PTPN13: variants seen among roughly 807,000 people sequenced by gnomAD.
The protein encoded by PTPN13 is protein tyrosine phosphatase non-receptor type 13, also known as tyrosine-protein phosphatase non-receptor type 13.
In PTPN13, 191 loss-of-function variants were observed where a neutral mutation model predicts 284.0. The observed-to-expected ratio is 0.67, with a 90% confidence interval of 0.60 to 0.76. The LOEUF (loss-of-function observed/expected upper bound fraction) is 0.76. PTPN13 is among the 30% of genes least tolerant of loss of function. PTPN13 has a pLI of 0.00. For synonymous variants in PTPN13, 986 were observed against 1,022.3 expected (o/e 0.96, Z 0.68); for missense variants, 2,797 against 2,939.9 (o/e 0.95, Z 1.12).
intron 6 of PTPN13, among the ~76,000 whole-genome samples, chr4:86,698,986 A>G (rs1401199200): frequency 1.3e-5 from 2 of 152,200 alleles, no homozygotes; most frequent in East Asian, 3.8e-4. Flanking sequence ...AATTAACGAA[A>G]GAAGTAAAGT....
intron 19 of PTPN13, among the ~76,000 whole-genome samples, chr4:86,751,659 C>G (rs527238627): frequency 5.3e-4 from 81 of 152,262 alleles, no homozygotes; most frequent in African/African-American, 1.7e-3. Context: ...GACAGTCTTA[C>G]TAAGACTGTC....
In PTPN13 at chr4:86,661,818, G is replaced by A. The variant is rs560325925; in HGVS notation, c.116-10547G>A. Among the ~76,000 whole-genome samples the A allele has an allele frequency of 4.5e-4, 68 of 152,048 alleles. 1 individual carries two copies. Among genetic ancestry groups the A allele is most frequent in the Non-Finnish European group, 1.3e-4 (9 of 68,022 alleles). On this transcript the variant is annotated intron_variant, in intron 2 of 47. Transcript: ENST00000411767. ...CCAGTCATCATCTTTGATATTATAG[G>A]TGTTTCTGTCTTTGTGTAAATTTCA...
In PTPN13 at chr4:86,599,655, G is replaced by T. The variant is rs377136201; in HGVS notation, c.-6+4866G>T. Among the ~76,000 whole-genome samples, 5 of 152,062 alleles carry T rather than the reference G, an allele frequency of 3.3e-5. No homozygotes were observed. The East Asian group carries it at 7.7e-4, about 23-fold the overall frequency. On this transcript the variant is annotated intron_variant, in intron 1 of 47. Transcript: ENST00000411767. ...TGTATGTTTCTTATCATCTGAAATG[G>T]CATATATATAATTCCTGTTATTTCC...
intron 2 of PTPN13, among the ~76,000 whole-genome samples, chr4:86,639,020 A>G (rs1300252033): frequency 2.0e-5 from 3 of 152,242 alleles, no homozygotes; most frequent in African/African-American, 4.8e-5. Flanking sequence ...GGCAAAGGAT[A>G]TGAACAGACA....
intron 1 of PTPN13, among the ~76,000 whole-genome samples, chr4:86,610,496 G>A (rs931784750): frequency 3.3e-5 from 5 of 152,186 alleles, no homozygotes; most frequent in Admixed American, 2.0e-4. Context: ...GGCAAAAAAG[G>A]GGCCAGGGCA....
At chr4:86,683,737 A>G (rs951980044) in intron 3 of PTPN13, among the ~76,000 whole-genome samples, 2 of 152,202 alleles carry the variant, frequency 1.3e-5, no homozygotes, top group Non-Finnish European at 2.9e-5. Flanking sequence ...GTTTTATTAT[A>G]GTCATGTATA....
intron 2 of PTPN13, among the ~76,000 whole-genome samples, chr4:86,663,357 A>C (rs570397036): frequency 5.3e-5 from 8 of 152,210 alleles, no homozygotes; most frequent in Non-Finnish European, 1.2e-4. Context: ...TGAAGTTGAG[A>C]GTATAATTGG....
Position 86,665,842 on chromosome 4 carries a change from A to G in PTPN13, c.116-6523A>G, listed in dbSNP as rs1727004044. On this transcript the variant is annotated intron_variant, in intron 2 of 47. Transcript: ENST00000411767. ...TTGTCTTCTGTGGGGGGAAAATGCTAAGTAGGTGATTGAGGAAAAATTCAA... is the reference window on the plus strand; with the variant it reads ...TTGTCTTCTGTGGGGGGAAAATGCTGAGTAGGTGATTGAGGAAAAATTCAA... Among the ~76,000 whole-genome samples, 4 of 152,116 alleles carry G rather than the reference A, an allele frequency of 2.6e-5. No homozygotes were observed. The South Asian group carries it at 8.3e-4, about 32-fold the overall frequency.
Position 86,751,009 on chromosome 4 carries a change from T to A in PTPN13, c.3069-18T>A. 6.3e-7 allele frequency: 1 copy of A among 1,586,340 alleles called. No individual in the cohort carries two copies. Among genetic ancestry groups the A allele is most frequent in the South Asian group, 1.1e-5 (1 of 88,270 alleles). ...TTTACATTAACACTTCCCTCCTACCTTCCTTTTCCCTCTTCAGTTCAAAGT... is the reference window on the plus strand; with the variant it reads ...TTTACATTAACACTTCCCTCCTACCATCCTTTTCCCTCTTCAGTTCAAAGT... On this transcript the variant is annotated intron_variant, in intron 18 of 47. Transcript: ENST00000411767.
chr4:86,597,685 A>G (rs1275185259), intron 1 of PTPN13, among the ~76,000 whole-genome samples: 1 of 152,218 alleles, frequency 6.6e-6, no homozygotes, highest in African/African-American at 2.4e-5. Context: ...ACCCTGCTCT[A>G]TCCTGCCCAA....
At chr4:86,714,433 AT>A (rs988615742) in intron 7 of PTPN13, among the ~76,000 whole-genome samples, 15 of 151,790 alleles carry the variant, frequency 9.9e-5, no homozygotes, top group South Asian at 4.2e-4. Context: ...CCTTCAAAAC[AT>A]TTTTTTTAAT....
intron 43 of PTPN13, among the ~76,000 whole-genome samples, chr4:86,804,753 G>A (rs1251987531): frequency 2.0e-5 from 3 of 152,078 alleles, no homozygotes; most frequent in Non-Finnish European, 1.5e-5. Context: ...TTATCTTCTT[G>A]CTCACCACTG....
chr4:86,768,708 TC>T (rs57780554), intron 28 of PTPN13, among the ~76,000 whole-genome samples: 1,814 of 147,894 alleles, frequency 0.012, 54 homozygotes, highest in African/African-American at 0.044. Flanking sequence ...ATTTCTTCCA[TC>T]TTTTTTTTTT....
chr4:86,639,922 C>CA (rs934569893), intron 2 of PTPN13, among the ~76,000 whole-genome samples: 1 of 152,038 alleles, frequency 6.6e-6, no homozygotes, highest in African/African-American at 2.4e-5. Flanking sequence ...AACAAGCCCT[C>CA]AAGGACATTG....
At chr4:86,757,810 C>T (rs976200131) in intron 20 of PTPN13, among the ~76,000 whole-genome samples, 2 of 148,610 alleles carry the variant, frequency 1.3e-5, no homozygotes, top group Non-Finnish European at 3.0e-5. Flanking sequence ...TACTCAAGAA[C>T]TTACTAAGAA....
intron 1 of PTPN13, among the ~76,000 whole-genome samples, chr4:86,631,707 A>G (rs2148707422): frequency 6.6e-6 from 1 of 152,294 alleles, no homozygotes; most frequent in East Asian, 1.9e-4. Flanking sequence ...CGGTATTGAT[A>G]TAATTCGTAC....
At chr4:86,814,382 A>G (rs1355621184) in intron 47 of PTPN13, 74 bp from the exon 48 acceptor site, 1 of 966,174 alleles carries the variant, frequency 1.0e-6, no homozygotes, top group African/African-American at 1.7e-5. Flanking sequence ...CACTTCCAAT[A>G]GTGGTATAGC....
At chr4:86,763,392 C>G (rs1331222485) in intron 24 of PTPN13, among the ~76,000 whole-genome samples, 1 of 152,192 alleles carries the variant, frequency 6.6e-6, no homozygotes, top group Non-Finnish European at 1.5e-5. Flanking sequence ...ATGGCTATGA[C>G]TTTGCAAACT....
At chr4:86,714,064 G>T (rs1732726153) in intron 7 of PTPN13, among the ~76,000 whole-genome samples, 1 of 141,114 alleles carries the variant, frequency 7.1e-6, no homozygotes, top group Non-Finnish European at 1.5e-5. Flanking sequence ...CCTTTCTTCA[G>T]TGTCAAAAAA....
Sources: gnomAD v4.1 joint callset for allele counts (sites outside exome capture counted in the v4.1 genomes callset) on GRCh38, gnomAD v4.1.1 for gene constraint, MANE v1.5 for transcripts, NCBI Gene and HGNC (gene_info 2026-07-23, HGNC 2026-07-21) for gene names.